ZNF354B: variants seen among roughly 807,000 people sequenced by gnomAD.
ZNF354B encodes zinc finger protein 354B.
A neutral mutation model predicts 12.9 loss-of-function variants in ZNF354B; 10 were observed. The ratio of observed to expected loss-of-function variants is 0.77; its 90% CI spans 0.48 to 1.31. The LOEUF is 1.31. Ranked by LOEUF, ZNF354B falls within the 40% of genes most tolerant of loss-of-function variation. The pLI is 0.00. For synonymous variants in ZNF354B, 260 were observed against 243.7 expected, an observed-to-expected ratio of 1.07 and a Z score of -0.62; for missense variants, 614 against 711.7, an observed-to-expected ratio of 0.86 and a Z score of 1.56.
chr5:178,867,752 G>A (rs1757485422), intron 4 of ZNF354B, among the ~76,000 whole-genome samples: 1 of 152,174 alleles, frequency 6.6e-6, no homozygotes, highest in African/African-American at 2.4e-5. Flanking sequence ...GTGCACATAA[G>A]CAGAGAGAAA....
intron 4 of ZNF354B, among the ~76,000 whole-genome samples, chr5:178,876,187 A>T (rs1281844386): frequency 2.0e-5 from 3 of 152,248 alleles, no homozygotes; most frequent in Non-Finnish European, 4.4e-5. Flanking sequence ...AGCCACCTCC[A>T]ACTGAAGCAT....
At chr5:178,879,144 C>G (rs6600990) in intron 4 of ZNF354B, among the ~76,000 whole-genome samples, 96,421 of 150,914 alleles carry the variant, frequency 0.64, 30,961 homozygotes, top group African/African-American at 0.68. Context: ...TGCCTCCCAG[C>G]TTCAAGCGAT....
intron 4 of ZNF354B, among the ~76,000 whole-genome samples, chr5:178,882,335 G>C (rs1373617706): frequency 6.6e-6 from 1 of 152,176 alleles, no homozygotes; most frequent in Non-Finnish European, 1.5e-5. Context: ...AAGGAGTTCA[G>C]AATGTAGGAA....
chr5:178,880,223 C>T (rs1199334252), intron 4 of ZNF354B, among the ~76,000 whole-genome samples: 11 of 148,992 alleles, frequency 7.4e-5, no homozygotes, highest in Non-Finnish European at 1.0e-4. Context: ...TTTTTTTAGA[C>T]GGGGTCTCAC....
chr5:178,883,296 A>G lies in ZNF354B; in HGVS notation c.844A>G (p.Ser282Gly), dbSNP rs1430866653. 6.2e-7 allele frequency: 1 copy of G among 1,613,874 alleles called. No individual in the cohort carries two copies. The highest frequency in any genetic ancestry group is 1.1e-5 in the South Asian group (1 of 90,962). The change falls in exon 5 of 5, where the codon AGT (serine) becomes GGT (glycine). Residue 282 changes from serine (S) to glycine (G), a missense_variant. Coordinates refer to ENST00000322434, the MANE Select transcript of ZNF354B (RefSeq NM_058230.3). ...AGAATGTGGGAAAGCCTTCAGCCAT[A>G]GTGCATCCCTTTGTAAGCATTTAAG... is the stretch of plus-strand genomic sequence containing the variant. The part of the protein sequence containing the change: ...CKECGKAFSH[S>G]ASLCKHLRTH...
chr5:178,866,191 C>T (rs931033834), intron 2 of ZNF354B, 53 bp from the exon 3 acceptor site: 60 of 1,605,012 alleles, frequency 3.7e-5, no homozygotes, highest in Non-Finnish European at 4.5e-5. Flanking sequence ...ACTGCCGCCC[C>T]CTCCACTCTG....
Position 178,883,294 on chromosome 5 carries a change from A to G in ZNF354B, c.842A>G (p.His281Arg), listed in dbSNP as rs1263039083. Residue 281 changes from histidine (H) to arginine (R), a missense_variant, in exon 5 of 5, where the codon CAT becomes CGT. By Grantham distance (29) the His-to-Arg change is conservative. Transcript: ENST00000322434. Reference protein sequence around the residue: ...ICKECGKAFSHSASLCKHLRT... With the variant: ...ICKECGKAFSRSASLCKHLRT... ...AAAGAATGTGGGAAAGCCTTCAGCC[A>G]TAGTGCATCCCTTTGTAAGCATTTA... 7 of 1,613,842 alleles carry G rather than the reference A, an allele frequency of 4.3e-6. No homozygotes were observed. The highest frequency in any genetic ancestry group is 2.5e-6 in the Non-Finnish European group (3 of 1,179,924).
Position 178,866,229 on chromosome 5 carries a change from G to C in ZNF354B, c.34-15G>C. The C allele has an allele frequency of 6.2e-7, 1 of 1,613,554 alleles. No individual in the cohort carries two copies. Among genetic ancestry groups the C allele is most frequent in the South Asian group, 1.1e-5 (1 of 90,962 alleles). On this transcript the variant is annotated splice_polypyrimidine_tract_variant and intron_variant, in intron 2 of 4. Coordinates refer to ENST00000322434, the MANE Select transcript of ZNF354B (RefSeq NM_058230.3). ...AGGGTGGTCCTGGGTGAGCTGGAAC[G>C]ACTTGTCCTTACAGGTGTCACTGAC...
chr5:178,874,887 G>A (rs1757613936), intron 4 of ZNF354B, among the ~76,000 whole-genome samples: 1 of 152,206 alleles, frequency 6.6e-6, no homozygotes, highest in Non-Finnish European at 1.5e-5. Context: ...TGTAATTTGA[G>A]TATAGTCAGT....
At chr5:178,862,396 T>G (rs1757371526) in intron 2 of ZNF354B, among the ~76,000 whole-genome samples, 1 of 144,062 alleles carries the variant, frequency 6.9e-6, no homozygotes, top group Admixed American at 7.0e-5. Context: ...AGAGGCAGTC[T>G]TGCTCTGTCA....
intron 2 of ZNF354B, among the ~76,000 whole-genome samples, chr5:178,865,578 A>T (rs908790033): frequency 3.3e-5 from 5 of 151,144 alleles, no homozygotes; most frequent in African/African-American, 9.8e-5. Context: ...ACTTTAAACA[A>T]ATTGCTTCGC....
chr5:178,867,882 A>G (rs1395937758), intron 4 of ZNF354B, among the ~76,000 whole-genome samples: 2 of 152,224 alleles, frequency 1.3e-5, no homozygotes, highest in Non-Finnish European at 2.9e-5. Flanking sequence ...AAGAGAATAT[A>G]TTCATGACGT....
intron 4 of ZNF354B, among the ~76,000 whole-genome samples, chr5:178,880,519 A>G (rs1454764650): frequency 7.1e-6 from 1 of 140,118 alleles, no homozygotes; most frequent in Non-Finnish European, 1.5e-5. Flanking sequence ...TTTTTTTTTT[A>G]AAGACAGGGT....
At chr5:178,866,040 G>C (rs1757447169) in intron 2 of ZNF354B, among the ~76,000 whole-genome samples, 2 of 152,196 alleles carry the variant, frequency 1.3e-5, no homozygotes, top group Non-Finnish European at 2.9e-5. Context: ...ATTTCTTACA[G>C]TGGCTGCACT....
Position 178,884,310 on chromosome 5 carries a change from CATCAG to C in ZNF354B, c.*21_*25del, listed in dbSNP as rs768345457. ...TGTGTGAAAGCCTTAAACCAAAACTCATCAGAGAATACATGCTTGAGAGTGATTTA... is the reference window on the plus strand; with the variant it reads ...TGTGTGAAAGCCTTAAACCAAAACTCAGAATACATGCTTGAGAGTGATTTA... On this transcript the variant is annotated 3_prime_UTR_variant, in exon 5 of 5. Transcript: ENST00000322434. 10 of 1,548,162 alleles carry C rather than the reference CATCAG, an allele frequency of 6.5e-6. No homozygotes were observed. Among genetic ancestry groups the C allele is most frequent in the South Asian group, 1.3e-5 (1 of 78,116 alleles).
intron 4 of ZNF354B, among the ~76,000 whole-genome samples, chr5:178,880,056 G>C (rs1383376383): frequency 6.6e-6 from 1 of 152,156 alleles, no homozygotes; most frequent in African/African-American, 2.4e-5. Context: ...AACCCAGGAG[G>C]TGGAGGTTGC....
Position 178,867,090 on chromosome 5 carries a change from G to A in ZNF354B, c.256+19G>A. ...TCTCTAGGTAAGTGGGTGGCCCGAG[G>A]TGCTCGGGAATGGCCGCAGACAATG... is the stretch of plus-strand genomic sequence containing the variant. On this transcript the variant is annotated intron_variant, in intron 4 of 4. Transcript: ENST00000322434. 8 of 1,605,942 alleles carry A rather than the reference G, an allele frequency of 5.0e-6. No individual in the cohort carries two copies. Among genetic ancestry groups the A allele is most frequent in the Non-Finnish European group, 6.8e-6 (8 of 1,174,112 alleles).
Position 178,883,474 on chromosome 5 carries a change from T to C in ZNF354B, c.1022T>C (p.Leu341Pro). 6.2e-7 allele frequency: 1 copy of C among 1,614,140 alleles called. No individual in the cohort carries two copies. Among genetic ancestry groups the C allele is most frequent in the Non-Finnish European group, 8.5e-7 (1 of 1,179,978 alleles). The change falls in exon 5 of 5, where the codon CTT becomes CCT. Residue 341 changes from leucine (L) to proline (P), a missense_variant. By Grantham distance (98) the Leu-to-Pro change is moderately conservative (BLOSUM62 -3). Coordinates refer to ENST00000322434, the MANE Select transcript of ZNF354B (RefSeq NM_058230.3). The part of the protein sequence containing the change: ...GRKASSYSTS[L>P]SGSQKIHLRK... The stretch of plus-strand genomic sequence containing the variant: ...AAGGCATCCAGTTACAGCACTTCCC[T>C]TTCTGGAAGTCAGAAAATTCATCTC...
At chr5:178,881,950 C>T (rs1757724779) in intron 4 of ZNF354B, among the ~76,000 whole-genome samples, 1 of 152,114 alleles carries the variant, frequency 6.6e-6, no homozygotes, top group Non-Finnish European at 1.5e-5. Context: ...TTTATATTGC[C>T]TGATTGCATT....
Sources: gnomAD v4.1 joint callset for allele counts (sites outside exome capture counted in the v4.1 genomes callset) on GRCh38, gnomAD v4.1.1 for gene constraint, MANE v1.5 for transcripts, NCBI Gene and HGNC (gene_info 2026-07-23, HGNC 2026-07-21) for gene names.